The following VRK1 variants were observed in gnomAD, a reference collection of about 807,000 sequenced individuals.
The protein encoded by VRK1 is serine/threonine-protein kinase VRK1.
VRK1 carries 33 observed loss-of-function variants against 57.1 expected under a neutral mutation model. The observed-to-expected ratio is 0.58, with a 90% CI of 0.44 to 0.77. VRK1 has a LOEUF of 0.77. Ranked by LOEUF, VRK1 falls within the 30% of genes least tolerant of loss-of-function variation. The pLI is 0.00. For synonymous variants in VRK1, 137 were observed against 147.8 expected (o/e 0.93, Z 0.53); for missense variants, 413 against 477.3 (o/e 0.87, Z 1.25).
intron 1 of VRK1, among the ~76,000 whole-genome samples, chr14:96,805,984 C>CTTT (rs368273142): frequency 2.2e-4 from 28 of 126,360 alleles, no homozygotes; most frequent in African/African-American, 6.9e-4. Context: ...GAGAATTTTT[C>CTTT]TTTTTTTTTT....
At chr14:96,823,640 TAGA>T (rs1277087036) in intron 1 of VRK1, among the ~76,000 whole-genome samples, 4 of 152,180 alleles carry the variant, frequency 2.6e-5, no homozygotes, top group East Asian at 1.9e-4. Context: ...ATAAGAAACA[TAGA>T]AGATTTCCCA....
chr14:96,806,943 A>G (rs907712467), intron 1 of VRK1, among the ~76,000 whole-genome samples: 3 of 151,616 alleles, frequency 2.0e-5, no homozygotes, highest in African/African-American at 7.3e-5. Flanking sequence ...CCTCCTCCTG[A>G]GTAGCTGGAA....
chr14:96,859,320 A>G (rs958993746), intron 10 of VRK1, among the ~76,000 whole-genome samples: 2 of 152,178 alleles, frequency 1.3e-5, no homozygotes, highest in African/African-American at 4.8e-5. Flanking sequence ...TTGTTTGTGA[A>G]TAAAGACTGG....
At chr14:96,808,314 G>A (rs1885998489) in intron 1 of VRK1, among the ~76,000 whole-genome samples, 1 of 152,108 alleles carries the variant, frequency 6.6e-6, no homozygotes, top group Non-Finnish European at 1.5e-5. Flanking sequence ...GAACTGCCTA[G>A]TCAGTCATTC....
chr14:96,819,245 G>C (rs1317223359), intron 1 of VRK1, among the ~76,000 whole-genome samples: 1 of 152,112 alleles, frequency 6.6e-6, no homozygotes, highest in Non-Finnish European at 1.5e-5. Flanking sequence ...GGTGTTTTTG[G>C]CTCCTCCTAA....
chr14:96,832,353 A>G (rs75592052), intron 1 of VRK1, among the ~76,000 whole-genome samples: 1,663 of 152,172 alleles, frequency 0.011, 23 homozygotes, highest in African/African-American at 0.031. Context: ...TTTCTTTTCT[A>G]TATCTCCAGT....
At chr14:96,821,796 A>G (rs1260284050) in intron 1 of VRK1, among the ~76,000 whole-genome samples, 4 of 152,122 alleles carry the variant, frequency 2.6e-5, no homozygotes, top group Non-Finnish European at 1.5e-5. Context: ...GTGCTTCTTT[A>G]CATCTGACCC....
chr14:96,826,106 A>G (rs1346522400), intron 1 of VRK1, among the ~76,000 whole-genome samples: 3 of 152,230 alleles, frequency 2.0e-5, no homozygotes, highest in African/African-American at 4.8e-5. Context: ...GTCTAAATAC[A>G]GTACCATATT....
chr14:96,813,536 AAC>A (rs1416255322), intron 1 of VRK1, among the ~76,000 whole-genome samples: 1 of 152,194 alleles, frequency 6.6e-6, no homozygotes, highest in Non-Finnish European at 1.5e-5. Context: ...ATATTAAAAA[AAC>A]AAAACTTTTC....
Position 96,843,346 on chromosome 14 carries a change from C to T in VRK1, c.217-2749C>T, listed in dbSNP as rs139668241. ...GCTTTTGGATGGTATCCTAACAGGT[C>T]ATTGTACTGTGGTCCTTTTCAGATG... is the stretch of plus-strand genomic sequence containing the variant. On this transcript the variant is annotated intron_variant, in intron 3 of 12. Transcript: ENST00000216639. Among the ~76,000 whole-genome samples, 21 of 152,332 alleles carry T rather than the reference C, an allele frequency of 1.4e-4. 1 individual carries two copies. The East Asian group carries it at 4.0e-3, about 29-fold the overall frequency.
chr14:96,831,713 T>TA (rs1297804163), intron 1 of VRK1, among the ~76,000 whole-genome samples: 1 of 152,184 alleles, frequency 6.6e-6, no homozygotes, highest in Non-Finnish European at 1.5e-5. Context: ...TTTTGAGATA[T>TA]ATAAAGATAA....
intron 1 of VRK1, among the ~76,000 whole-genome samples, chr14:96,808,028 T>C (rs1230635924): frequency 0.01 from 873 of 83,526 alleles, 4 homozygotes; most frequent in Middle Eastern, 0.024. Context: ...TGTGTGTGTG[T>C]GTGTGTGTGT....
intron 1 of VRK1, among the ~76,000 whole-genome samples, chr14:96,816,643 A>G (rs1255018754): frequency 2.6e-5 from 4 of 152,190 alleles, no homozygotes; most frequent in East Asian, 1.9e-4. Flanking sequence ...GCTGAAGGGC[A>G]TTGATAACAG....
chr14:96,831,018 C>T (rs1886983989), intron 1 of VRK1, among the ~76,000 whole-genome samples: 1 of 152,216 alleles, frequency 6.6e-6, no homozygotes, highest in Admixed American at 6.5e-5. Flanking sequence ...CTTGAGACCT[C>T]ACCAAGGACC....
At chr14:96,830,413 C>T (rs138321287) in intron 1 of VRK1, among the ~76,000 whole-genome samples, 86 of 151,342 alleles carry the variant, frequency 5.7e-4, no homozygotes, top group African/African-American at 2.0e-3. Flanking sequence ...TTCTATTTCT[C>T]TTGTCATTAA....
intron 1 of VRK1, among the ~76,000 whole-genome samples, chr14:96,824,042 T>G (rs1400647726): frequency 6.6e-6 from 1 of 152,242 alleles, no homozygotes; most frequent in Non-Finnish European, 1.5e-5. Context: ...ATCTGTTAAC[T>G]TAAAGGAATA....
chr14:96,848,497 C>T (rs1887805790), intron 5 of VRK1, among the ~76,000 whole-genome samples: 1 of 152,174 alleles, frequency 6.6e-6, no homozygotes, highest in Non-Finnish European at 1.5e-5. Flanking sequence ...GTTGGGTAGG[C>T]AGCCAGTGTT....
rs1425286494 is a variant in VRK1 at position 96,855,396 on chromosome 14, G to C, written c.709+40G>C. The C allele has an allele frequency of 2.5e-6, 4 of 1,613,366 alleles. No homozygotes were observed. In the African/African-American group the frequency reaches 5.3e-5, roughly 22 times the overall value. On this transcript the variant is annotated intron_variant, in intron 8 of 12. Transcript: ENST00000216639. ...CTGGAGTGAGAAATAGACTGCTAAT[G>C]TTTTCACCCAGATTCCTACATAGTT...
rs1012866785 is a variant in VRK1 at position 96,836,350 on chromosome 14, C to T, written c.161-1412C>T. The stretch of plus-strand genomic sequence containing the variant: ...TTGCTAACCCTCTTCCAATGGCTCC[C>T]CATCTTATTCATAGTGACAGCCAAA... On this transcript the variant is annotated intron_variant, in intron 2 of 12. Transcript: ENST00000216639. 2.0e-5 allele frequency among the ~76,000 whole-genome samples: 3 copies of T among 151,976 alleles called. No individual in the cohort carries two copies. The East Asian group carries it at 5.8e-4, about 29-fold the overall frequency.
Sources: gnomAD v4.1 joint callset for allele counts (sites outside exome capture counted in the v4.1 genomes callset) on GRCh38, gnomAD v4.1.1 for gene constraint, MANE v1.5 for transcripts, NCBI Gene and HGNC (gene_info 2026-07-23, HGNC 2026-07-21) for gene names.